LOC400499: variants seen among roughly 807,000 people sequenced by gnomAD.
the LOC400499 span, among the ~76,000 whole-genome samples, chr16:11,436,274 G>A: frequency 3.2e-4 from 48 of 152,202 alleles, no homozygotes; most frequent in Admixed American, 1.3e-3. Flanking sequence ...CCACAGAAAA[G>A]GAGGCCCCAG....
chr16:11,443,169 C>T, the LOC400499 span, among the ~76,000 whole-genome samples: 1 of 151,314 alleles, frequency 6.6e-6, no homozygotes, highest in South Asian at 2.1e-4. Flanking sequence ...ACTAAAAGTA[C>T]AAAAATTAGC....
chr16:11,494,898 T>C, the LOC400499 span: 59 of 397,304 alleles, frequency 1.5e-4, no homozygotes, highest in Non-Finnish European at 2.4e-4. Context: ...AATTGCTCTT[T>C]TCAGGGAACA....
At chr16:11,500,366 C>A in the LOC400499 span, among the ~76,000 whole-genome samples, 1 of 152,008 alleles carries the variant, frequency 6.6e-6, no homozygotes, top group East Asian at 1.9e-4. Flanking sequence ...CAAAACTTAG[C>A]CAGGTGGGGT....
chr16:11,390,468 A>G, the LOC400499 span: 1 of 1,239,386 alleles, frequency 8.1e-7, no homozygotes, highest in Non-Finnish European at 1.0e-6. Context: ...GGGGCCCTGC[A>G]ACAGGCAGCC....
chr16:11,511,785 G>C, the LOC400499 span, among the ~76,000 whole-genome samples: 1 of 152,228 alleles, frequency 6.6e-6, no homozygotes, highest in Non-Finnish European at 1.5e-5. Context: ...CCAGCACTTT[G>C]GGAGGCTGCA....
chr16:11,489,239 A>T, the LOC400499 span, among the ~76,000 whole-genome samples: 1 of 152,172 alleles, frequency 6.6e-6, no homozygotes, highest in Non-Finnish European at 1.5e-5. Context: ...GAAAATGAGA[A>T]GTCAGACCTG....
chr16:11,439,143 C>T, the LOC400499 span, among the ~76,000 whole-genome samples: 29 of 152,172 alleles, frequency 1.9e-4, no homozygotes, highest in Non-Finnish European at 3.5e-4. Context: ...CCAAAATGCC[C>T]CGGGTCAACA....
At chr16:11,469,569 G>A in the LOC400499 span, 1 of 399,096 alleles carries the variant, frequency 2.5e-6, no homozygotes, top group East Asian at 3.6e-5. Context: ...TCTGGGGCAA[G>A]CTGTAGCTCA....
chr16:11,500,511 A>ATTTAATAATAATAATAATAAT, the LOC400499 span, among the ~76,000 whole-genome samples: 1 of 143,882 alleles, frequency 7.0e-6, no homozygotes, highest in East Asian at 2.0e-4. Flanking sequence ...ACTCCGTCCT[A>ATTTAATAATAATAATAATAAT]AATAATAATA....
chr16:11,376,173 T>C, the LOC400499 span, among the ~76,000 whole-genome samples: 1 of 152,268 alleles, frequency 6.6e-6, no homozygotes, highest in African/African-American at 2.4e-5. Context: ...CTTTTCACTC[T>C]GTTAATAGTA....
At chr16:11,401,093 G>C in the LOC400499 span, among the ~76,000 whole-genome samples, 1 of 152,244 alleles carries the variant, frequency 6.6e-6, no homozygotes, top group Non-Finnish European at 1.5e-5. Context: ...AGGAATGATT[G>C]AATGAAGGAT....
the LOC400499 span, among the ~76,000 whole-genome samples, chr16:11,378,263 T>A: frequency 1.4e-4 from 16 of 113,836 alleles, no homozygotes; most frequent in African/African-American, 3.9e-4. Context: ...TTTTTTTTTT[T>A]TTTGCCGGGG....
chr16:11,493,256 G>A, the LOC400499 span, among the ~76,000 whole-genome samples: 9 of 152,350 alleles, frequency 5.9e-5, no homozygotes, highest in Middle Eastern at 3.4e-3. Context: ...GCGGTCTCTT[G>A]CAATGACTTG....
chr16:11,512,555 C>T, the LOC400499 span, among the ~76,000 whole-genome samples: 1 of 152,064 alleles, frequency 6.6e-6, no homozygotes, highest in Non-Finnish European at 1.5e-5. Flanking sequence ...GGGCCAGGAT[C>T]ACGCCACTGG....
chr16:11,483,560 A>C, the LOC400499 span, among the ~76,000 whole-genome samples: 1 of 152,150 alleles, frequency 6.6e-6, no homozygotes, highest in Non-Finnish European at 1.5e-5. Flanking sequence ...AAAAGAGTAC[A>C]TGCTTTTTTT....
the LOC400499 span, among the ~76,000 whole-genome samples, chr16:11,437,981 C>G: frequency 2.6e-5 from 4 of 152,208 alleles, no homozygotes; most frequent in African/African-American, 9.6e-5. Context: ...CGCATGCGCT[C>G]TGAAACCAGA....
the LOC400499 span, among the ~76,000 whole-genome samples, chr16:11,401,850 G>C: frequency 6.6e-6 from 1 of 152,238 alleles, no homozygotes; most frequent in South Asian, 2.1e-4. Flanking sequence ...GGCTGTCAAG[G>C]TGTTGTGGGG....
the LOC400499 span, among the ~76,000 whole-genome samples, chr16:11,499,854 C>T: frequency 1.3e-5 from 2 of 152,158 alleles, no homozygotes; most frequent in Admixed American, 6.5e-5. Flanking sequence ...AGGACACACC[C>T]CAAGGTCTCA....
chr16:11,402,269 A>G, the LOC400499 span: 8 of 398,162 alleles, frequency 2.0e-5, no homozygotes, highest in Admixed American at 3.1e-4. Context: ...GCTCACGCAA[A>G]TGGCCACTCG....
Sources: gnomAD v4.1 joint callset for allele counts (sites outside exome capture counted in the v4.1 genomes callset) on GRCh38, gnomAD v4.1.1 for gene constraint, MANE v1.5 for transcripts.